The following CCBE1 variants were observed in gnomAD, a reference collection of about 807,000 sequenced individuals.
CCBE1 encodes the protein collagen and calcium binding EGF domains 1.
Under a neutral mutation model 50.0 loss-of-function variants are expected in CCBE1, and 37 were observed. That is an observed-to-expected ratio of 0.74 (90% CI 0.57 to 0.97). The LOEUF (loss-of-function observed/expected upper bound fraction) is 0.97, where lower values mean the gene tolerates loss of function less well. CCBE1 is among the 50% of genes least tolerant of loss of function. The probability of loss-of-function intolerance (pLI) is 0.00; values close to 1 mark genes in which losing one functional copy is unlikely to be tolerated. For synonymous variants in CCBE1, 234 were observed against 203.7 expected (o/e 1.15, Z -1.27); for missense variants, 538 against 523.8 (o/e 1.03, Z -0.26).
chr18:59,593,611 G>A (rs547325870), intron 2 of CCBE1, among the ~76,000 whole-genome samples: 1 of 152,318 alleles, frequency 6.6e-6, no homozygotes, highest in South Asian at 2.1e-4. Flanking sequence ...TCTTACATAA[G>A]AGCTGAAATT....
intron 2 of CCBE1, among the ~76,000 whole-genome samples, chr18:59,682,493 A>C (rs1175066121): frequency 6.6e-6 from 1 of 151,938 alleles, no homozygotes; most frequent in Non-Finnish European, 1.5e-5. Flanking sequence ...GACTATACTG[A>C]AACAGAGACC....
At chr18:59,551,761 G>A (rs1915939227) in intron 2 of CCBE1, among the ~76,000 whole-genome samples, 2 of 152,182 alleles carry the variant, frequency 1.3e-5, no homozygotes, top group African/African-American at 4.8e-5. Context: ...AAACGAAGGG[G>A]AATTCAAAGT....
At chr18:59,639,718 G>A (rs1211607092) in intron 2 of CCBE1, among the ~76,000 whole-genome samples, 1 of 152,116 alleles carries the variant, frequency 6.6e-6, no homozygotes, top group Non-Finnish European at 1.5e-5. Flanking sequence ...GTTTCCAGGC[G>A]ATATGATTTT....
intron 2 of CCBE1, among the ~76,000 whole-genome samples, chr18:59,502,042 T>TC (rs1913647284): frequency 6.6e-6 from 1 of 152,188 alleles, no homozygotes; most frequent in South Asian, 2.1e-4. Flanking sequence ...CAAGTGATCC[T>TC]CCCACCTCGG....
intron 2 of CCBE1, among the ~76,000 whole-genome samples, chr18:59,694,468 G>T (rs1418598512): frequency 6.6e-6 from 1 of 152,180 alleles, no homozygotes; most frequent in African/African-American, 2.4e-5. Context: ...CTCCTTTAAG[G>T]ATCTGTCTAA....
intron 2 of CCBE1, among the ~76,000 whole-genome samples, chr18:59,518,018 G>T (rs1455369304): frequency 6.6e-6 from 1 of 152,182 alleles, no homozygotes; most frequent in African/African-American, 2.4e-5. Flanking sequence ...GAAGTTGGGG[G>T]CGGAGGAAAC....
chr18:59,625,463 A>G (rs996764038), intron 2 of CCBE1, among the ~76,000 whole-genome samples: 5 of 150,880 alleles, frequency 3.3e-5, no homozygotes, highest in Non-Finnish European at 7.4e-5. Flanking sequence ...AATTGTAGCC[A>G]TATACTGATG....
At chr18:59,686,012 G>T (rs182573650) in intron 2 of CCBE1, 133 of 152,280 alleles carry the variant, frequency 8.7e-4, no homozygotes, top group African/African-American at 3.1e-3. Flanking sequence ...CTGCAGAAAT[G>T]AAAGTTACAT....
At chr18:59,693,030 T>A (rs577593286) in intron 2 of CCBE1, among the ~76,000 whole-genome samples, 1 of 151,596 alleles carries the variant, frequency 6.6e-6, no homozygotes, top group East Asian at 1.9e-4. Flanking sequence ...GCCAAACCTA[T>A]CTCATCTTGT....
chr18:59,617,131 G>A (rs889977354), intron 2 of CCBE1, among the ~76,000 whole-genome samples: 7 of 152,176 alleles, frequency 4.6e-5, no homozygotes, highest in Admixed American at 4.6e-4. Flanking sequence ...CTATACCAGT[G>A]TACAGTACAA....
intron 2 of CCBE1, among the ~76,000 whole-genome samples, chr18:59,522,212 G>A (rs902194594): frequency 4.7e-5 from 7 of 149,570 alleles, no homozygotes; most frequent in Admixed American, 4.7e-4. Flanking sequence ...CATGAATCTT[G>A]GTAATTTCTT....
chr18:59,477,993 A>C (rs1391571168), intron 3 of CCBE1, among the ~76,000 whole-genome samples: 1 of 152,196 alleles, frequency 6.6e-6, no homozygotes, highest in Non-Finnish European at 1.5e-5. Flanking sequence ...ATTAACATTG[A>C]AATCAGTAGA....
chr18:59,668,570 C>G (rs879642229), intron 2 of CCBE1, among the ~76,000 whole-genome samples: 9 of 151,994 alleles, frequency 5.9e-5, no homozygotes, highest in Admixed American at 3.3e-4. Flanking sequence ...AGCTTCCATT[C>G]TATGGACAGA....
At chr18:59,487,577 T>C (rs1400645302) in intron 2 of CCBE1, among the ~76,000 whole-genome samples, 1 of 152,104 alleles carries the variant, frequency 6.6e-6, no homozygotes, top group Non-Finnish European at 1.5e-5. Context: ...AGTATCATGG[T>C]CACTACAGCA....
In CCBE1 at chr18:59,434,866, C is replaced by T. The variant is rs1171392990; in HGVS notation, c.*1042G>A. 6.6e-6 allele frequency: 1 copy of T among 152,178 alleles called. No individual in the cohort carries two copies. Among genetic ancestry groups the T allele is most frequent in the African/African-American group, 2.4e-5 (1 of 41,436 alleles). The allele number at this position is 152,178 out of a possible 1,614,324, so 9.4% of individuals were successfully genotyped here. ...TACCCAAGGAGAAAAAATTTACCTA[C>T]CGCTGCTGATGGCATTAGTGAGGTC... On this transcript the variant is annotated 3_prime_UTR_variant, in exon 11 of 11. Coordinates refer to ENST00000439986, the MANE Select transcript of CCBE1 (RefSeq NM_133459.4).
At chr18:59,582,597 G>A (rs2053101763) in intron 2 of CCBE1, among the ~76,000 whole-genome samples, 1 of 152,150 alleles carries the variant, frequency 6.6e-6, no homozygotes, top group Non-Finnish European at 1.5e-5. Context: ...AGTAGTGATG[G>A]GGGAAGGGAG....
chr18:59,662,736 G>A (rs2054301433), intron 2 of CCBE1, among the ~76,000 whole-genome samples: 1 of 152,204 alleles, frequency 6.6e-6, no homozygotes, highest in Non-Finnish European at 1.5e-5. Context: ...ATGCTGGCAG[G>A]CAGAATAGAT....
At chr18:59,508,795 C>T (rs997659444) in intron 2 of CCBE1, among the ~76,000 whole-genome samples, 1 of 144,988 alleles carries the variant, frequency 6.9e-6, no homozygotes, top group Non-Finnish European at 1.5e-5. Context: ...TGGCTCACTG[C>T]AGCCTCGACC....
intron 2 of CCBE1, among the ~76,000 whole-genome samples, chr18:59,652,723 G>T (rs1235942608): frequency 6.6e-6 from 1 of 152,176 alleles, no homozygotes; most frequent in African/African-American, 2.4e-5. Context: ...CCAGCACTTC[G>T]GGAGGCCGAG....
Sources: gnomAD v4.1 joint callset for allele counts (sites outside exome capture counted in the v4.1 genomes callset) on GRCh38, gnomAD v4.1.1 for gene constraint, MANE v1.5 for transcripts, NCBI Gene and HGNC (gene_info 2026-07-23, HGNC 2026-07-21) for gene names.